Variants in SCN9A observed in about 807,000 individuals in gnomAD.
SCN9A encodes sodium channel protein type 9 subunit alpha.
In SCN9A, 131 loss-of-function variants were observed where a neutral mutation model predicts 187.0. The observed-to-expected ratio is 0.70, with a 90% CI of 0.61 to 0.81. The LOEUF (loss-of-function observed/expected upper bound fraction) is 0.81. SCN9A is among the 30% of genes least tolerant of loss of function. The pLI is 0.00. For missense variants in SCN9A, 2,252 were observed against 2,396.6 expected (o/e 0.94, Z 1.26); for synonymous variants, 809 against 808.6 (o/e 1.00, Z -0.01).
intron 17 of SCN9A, among the ~76,000 whole-genome samples, chr2:166,263,923 T>A (rs1359780957): frequency 6.6e-6 from 1 of 152,008 alleles, no homozygotes; most frequent in African/African-American, 2.4e-5. Flanking sequence ...AGAGAAATCA[T>A]GGCCTTGCTC....
At chr2:166,325,277 T>C (rs1047802366) in intron 1 of SCN9A, among the ~76,000 whole-genome samples, 25 of 152,140 alleles carry the variant, frequency 1.6e-4, no homozygotes, top group Admixed American at 1.3e-4. Context: ...TTGAACCACT[T>C]TTAATTAAAA....
chr2:166,293,321 A>G lies in SCN9A; in HGVS notation c.1017T>C (p.Tyr339=), dbSNP rs1371451087. 1 of 1,608,574 alleles carries G rather than the reference A, an allele frequency of 6.2e-7. No individual in the cohort carries two copies. Among genetic ancestry groups the G allele is most frequent in the South Asian group, 1.1e-5 (1 of 89,698 alleles). ...TCVKIGRNPD[Y]GYTSFDTFSW... ...TGAAAGTGTCAAAGCTCGTGTAGCC[A>G]TAATCAGGGTTTCTGCCAATTTTCA... The change falls in exon 9 of 27, where the codon TAT becomes TAC. Residue 339 remains tyrosine (Y), a synonymous_variant. Transcript: ENST00000642356.
chr2:166,343,187 GA>G (rs886128882), intron 1 of SCN9A, among the ~76,000 whole-genome samples: 2 of 151,656 alleles, frequency 1.3e-5, no homozygotes, highest in African/African-American at 4.8e-5. Flanking sequence ...TGTTTTATAG[GA>G]AAAAAATTAT....
intron 1 of SCN9A, among the ~76,000 whole-genome samples, chr2:166,374,686 T>A (rs1184258539): frequency 6.6e-6 from 1 of 152,092 alleles, no homozygotes; most frequent in Admixed American, 6.5e-5. Context: ...AAAATCTTTA[T>A]CTTGTCTACA....
At chr2:166,375,045 A>G (rs1014405373) in intron 1 of SCN9A, among the ~76,000 whole-genome samples, 11 of 152,154 alleles carry the variant, frequency 7.2e-5, no homozygotes, top group Non-Finnish European at 1.5e-4. Context: ...ATTTTTTCCT[A>G]AAAGTAAATG....
chr2:166,288,772 G>T, intron 9 of SCN9A, 129 bp from the exon 10 acceptor site: 1 of 617,422 alleles, frequency 1.6e-6, no homozygotes, highest in Non-Finnish European at 2.6e-6. Context: ...AAAGAGAAAA[G>T]TTATATCTTC....
chr2:166,313,026 A>ATTATTTAATTTTCTGAATTAAATAATAG (rs1559036011), intron 1 of SCN9A, among the ~76,000 whole-genome samples: 1 of 111,188 alleles, frequency 9.0e-6, no homozygotes, highest in East Asian at 2.3e-4. Flanking sequence ...TAATATAGTT[A>ATTATTTAATTTTCTGAATTAAATAATAG]TTATTTAATT....
chr2:166,217,259 A>G (rs572765465), intron 24 of SCN9A, among the ~76,000 whole-genome samples: 7 of 152,196 alleles, frequency 4.6e-5, no homozygotes, highest in African/African-American at 1.7e-4. Flanking sequence ...AAGCTACTAG[A>G]AGAAAACATA....
chr2:166,256,058 G>C (rs2106433685), intron 17 of SCN9A, among the ~76,000 whole-genome samples: 1 of 151,408 alleles, frequency 6.6e-6, no homozygotes, highest in Non-Finnish European at 1.5e-5. Flanking sequence ...TGTGGCATAA[G>C]AGTCCAATAT....
chr2:166,372,610 A>G (rs184127871), intron 1 of SCN9A, among the ~76,000 whole-genome samples: 1 of 152,300 alleles, frequency 6.6e-6, no homozygotes, highest in African/African-American at 2.4e-5. Context: ...ACCTTTAAGT[A>G]CATTATCACC....
Position 166,288,443 on chromosome 2 carries a change from T to C in SCN9A, c.1308A>G (p.Glu436=), listed in dbSNP as rs773584762. 6.2e-7 allele frequency: 1 copy of C among 1,608,292 alleles called. No homozygotes were observed. The highest frequency in any genetic ancestry group is 8.5e-7 in the Non-Finnish European group (1 of 1,176,014). Residue 436 remains glutamate, a synonymous_variant, in exon 10 of 27, where the codon GAA becomes GAG. Transcript: ENST00000642356. ...MLDRLKKEQE[E]AEAIAAAAAE... ...TTAAATCAAATAACAGTACCTCAGCTTCTTCTTGCTCTTTTTTAAGACGGT... is the reference window on the plus strand; with the variant it reads ...TTAAATCAAATAACAGTACCTCAGCCTCTTCTTGCTCTTTTTTAAGACGGT...
chr2:166,225,584 AT>A (rs1436088932), intron 24 of SCN9A, among the ~76,000 whole-genome samples: 7 of 152,110 alleles, frequency 4.6e-5, no homozygotes. Flanking sequence ...TACTTTTGTG[AT>A]TGATGTTATG....
chr2:166,293,850 A>G (rs745590076), intron 8 of SCN9A, among the ~76,000 whole-genome samples: 2 of 152,226 alleles, frequency 1.3e-5, no homozygotes, highest in African/African-American at 2.4e-5. Context: ...GTAATTGTCT[A>G]AGTTCATAAA....
intron 16 of SCN9A, among the ~76,000 whole-genome samples, chr2:166,274,954 G>T (rs961135475): frequency 6.6e-6 from 1 of 152,036 alleles, no homozygotes; most frequent in Non-Finnish European, 1.5e-5. Flanking sequence ...CTTCTTCCTT[G>T]TCTGATAACT....
chr2:166,268,645 T>C (rs753889530), intron 17 of SCN9A, among the ~76,000 whole-genome samples: 4 of 151,974 alleles, frequency 2.6e-5, no homozygotes, highest in Non-Finnish European at 5.9e-5. Context: ...GGAAACATTT[T>C]AATCTGAAGA....
At position 166,311,822 on chromosome 2, in the gene SCN9A, G is replaced by C. The variant is rs895267516; in HGVS notation, c.-50-16C>G. 1 of 1,435,852 alleles carries C rather than the reference G, an allele frequency of 7.0e-7. No individual in the cohort carries two copies. Among genetic ancestry groups the C allele is most frequent in the Non-Finnish European group, 9.3e-7 (1 of 1,075,960 alleles). The allele number at this position is 1,435,852 out of a possible 1,614,324, so 88.9% of individuals were successfully genotyped here. Reference sequence around the variant, plus strand: ...CATAAGAGGCCTGGATGGAAACAAAGAAATAAAGACTTAACTATTTGCCTG... The same window carrying C: ...CATAAGAGGCCTGGATGGAAACAAACAAATAAAGACTTAACTATTTGCCTG... On this transcript the variant is annotated splice_polypyrimidine_tract_variant and intron_variant, in intron 1 of 26. Transcript: ENST00000642356.
chr2:166,337,637 G>C (rs2105274766), intron 1 of SCN9A, among the ~76,000 whole-genome samples: 1 of 152,192 alleles, frequency 6.6e-6, no homozygotes. Flanking sequence ...AGCTGGTATA[G>C]GAAAGAAGGA....
intron 10 of SCN9A, 41 bp from the exon 11 acceptor site, chr2:166,286,664 C>T (rs924636865): frequency 6.9e-7 from 1 of 1,455,130 alleles, no homozygotes; most frequent in Non-Finnish European, 9.0e-7. Flanking sequence ...GAGTCATTTC[C>T]AAATCCTAGG....
rs754999894 is a variant in SCN9A at position 166,280,589 on chromosome 2, T to C, written c.2111A>G (p.Glu704Gly). Residue 704 changes from glutamate (E) to glycine (G), a missense_variant, in exon 14 of 27, where the codon GAA becomes GGA. Coordinates refer to ENST00000642356, the MANE Select transcript of SCN9A (RefSeq NM_001365536.1). ...SILTNTVEELEESRQKCPPWW... is the reference protein window; with the variant it reads ...SILTNTVEELGESRQKCPPWW... ...AGGTGGACATTTTTGTCTGGACTCTTCAAGTTCTGGGAGAAAAAAGCAGAG... is the reference window on the plus strand; with the variant it reads ...AGGTGGACATTTTTGTCTGGACTCTCCAAGTTCTGGGAGAAAAAAGCAGAG... 12 of 1,564,454 alleles carry C rather than the reference T, an allele frequency of 7.7e-6. No homozygotes were observed. Among genetic ancestry groups the C allele is most frequent in the Non-Finnish European group, 9.6e-6 (11 of 1,150,984 alleles).
Sources: gnomAD v4.1 joint callset for allele counts (sites outside exome capture counted in the v4.1 genomes callset) on GRCh38, gnomAD v4.1.1 for gene constraint, MANE v1.5 for transcripts, NCBI Gene and HGNC (gene_info 2026-07-23, HGNC 2026-07-21) for gene names.